HK2: variants seen among roughly 807,000 people sequenced by gnomAD.
HK2 encodes the protein hexokinase 2, also known as hexokinase-2.
HK2 carries 42 observed loss-of-function variants against 92.9 expected under a neutral mutation model. That is an observed-to-expected ratio of 0.45 (90% CI 0.35 to 0.58). HK2 has a LOEUF of 0.58. HK2 is among the 20% of genes least tolerant of loss of function. The pLI is 0.00. For missense variants in HK2, 978 were observed against 1,245.1 expected (o/e 0.79, Z 3.23); for synonymous variants, 422 against 468.0 (o/e 0.90, Z 1.27).
At position 74,867,694 on chromosome 2, in the gene HK2, G is replaced by A; in HGVS notation, c.285G>A (p.Val95=). The A allele has an allele frequency of 6.2e-7, 1 of 1,614,138 alleles. No individual in the cohort carries two copies. ...LGGTNFRVLW[V]KVTDNGLQKV... ...GGACCAACTTCCGTGTGCTTTGGGT[G>A]AAAGTAACGGACAATGGGCTCCAGA... The change falls in exon 3 of 18, where the codon GTG becomes GTA. Residue 95 remains valine, a synonymous_variant. Coordinates refer to ENST00000290573, the MANE Select transcript of HK2 (RefSeq NM_000189.5).
chr2:74,868,192 G>C (rs1047736873), intron 3 of HK2, among the ~76,000 whole-genome samples: 8 of 152,128 alleles, frequency 5.3e-5, no homozygotes, highest in Non-Finnish European at 8.8e-5. Context: ...CTCATTATTT[G>C]TCTTTGGGGT....
In HK2 at chr2:74,884,887, G is replaced by T. The variant is rs1166799626; in HGVS notation, c.1840-607G>T. On this transcript the variant is annotated intron_variant, in intron 12 of 17. Coordinates refer to ENST00000290573, the MANE Select transcript of HK2 (RefSeq NM_000189.5). ...GGGCCACTGAGGATGCTGAGGAGGA[G>T]CCTGGAGTTGTTTTCCTCACTGAAA... is the stretch of plus-strand genomic sequence containing the variant. Among the ~76,000 whole-genome samples the T allele has an allele frequency of 2.0e-5, 3 of 152,246 alleles. No homozygotes were observed. In the East Asian group the frequency reaches 5.8e-4, roughly 29 times the overall value.
intron 1 of HK2, among the ~76,000 whole-genome samples, chr2:74,840,058 C>T (rs2103831237): frequency 6.8e-6 from 1 of 147,102 alleles, no homozygotes; most frequent in Non-Finnish European, 1.5e-5. Context: ...TGGGTTCCTG[C>T]CGTTCGCCTG....
chr2:74,846,930 G>A (rs892670307), intron 1 of HK2, among the ~76,000 whole-genome samples: 3 of 152,214 alleles, frequency 2.0e-5, no homozygotes, highest in Non-Finnish European at 4.4e-5. Flanking sequence ...AAATAGGAGT[G>A]TTGACCTAAT....
chr2:74,867,881 C>T, intron 3 of HK2, 97 bp downstream of exon 3: 2 of 1,404,120 alleles, frequency 1.4e-6, no homozygotes, highest in South Asian at 2.3e-5. Context: ...TGTGGATAGG[C>T]AGTCACCCAA....
Position 74,854,324 on chromosome 2 carries a change from C to T in HK2, c.95C>T (p.Ser32Phe). Residue 32 changes from serine to phenylalanine, a missense_variant, in exon 2 of 18, where the codon TCT becomes TTT. By Grantham distance (155) the Ser-to-Phe change is radical. Around this residue, in one of 3 missense-constraint regions of HK2, gnomAD observed 189 missense variants for 289.5 expected, o/e 0.65. Coordinates refer to ENST00000290573, the MANE Select transcript of HK2 (RefSeq NM_000189.5). ...VDQYLYHMRLSDETLLEISKR... is the reference protein window; with the variant it reads ...VDQYLYHMRLFDETLLEISKR... Reference sequence around the variant, plus strand: ...CAGTATCTCTACCACATGCGCCTCTCTGATGAGACCCTCTTGGAGATCTCT... The same window carrying T: ...CAGTATCTCTACCACATGCGCCTCTTTGATGAGACCCTCTTGGAGATCTCT... 6.2e-7 allele frequency: 1 copy of T among 1,613,248 alleles called. No individual in the cohort carries two copies. The highest frequency in any genetic ancestry group is 8.5e-7 in the Non-Finnish European group (1 of 1,180,024).
intron 1 of HK2, among the ~76,000 whole-genome samples, chr2:74,847,012 T>A (rs557971020): frequency 3.3e-5 from 5 of 152,328 alleles, no homozygotes; most frequent in Admixed American, 2.6e-4. Flanking sequence ...AATCAGTTGG[T>A]CTTCTAGGGT....
At chr2:74,864,506 ATTTG>A (rs1387403774) in intron 2 of HK2, among the ~76,000 whole-genome samples, 1 of 143,010 alleles carries the variant, frequency 7.0e-6, no homozygotes, top group African/African-American at 2.5e-5. Flanking sequence ...TGTTGTTGTC[ATTTG>A]TTTGTTTTTT....
chr2:74,846,318 C>CT (rs5832141), intron 1 of HK2, among the ~76,000 whole-genome samples: 103,566 of 151,448 alleles, frequency 0.68, 35,616 homozygotes, highest in African/African-American at 0.74. Context: ...TGCAACCTGC[C>CT]TTTTTTTTCC....
At position 74,834,687 on chromosome 2, in the gene HK2, T is replaced by C; in HGVS notation, c.63+44T>C. The C allele has an allele frequency of 6.3e-7, 1 of 1,591,328 alleles. No homozygotes were observed. The highest frequency in any genetic ancestry group is 8.6e-7 in the Non-Finnish European group (1 of 1,159,540). ...GGCGGCAGGCTGGGCTCTGGCAAAGTGGTCTGGCCTCCATCAGTCTCTTCC... is the reference window on the plus strand; with the variant it reads ...GGCGGCAGGCTGGGCTCTGGCAAAGCGGTCTGGCCTCCATCAGTCTCTTCC... On this transcript the variant is annotated intron_variant, in intron 1 of 17. Coordinates refer to ENST00000290573, the MANE Select transcript of HK2 (RefSeq NM_000189.5). The surrounding 1 kb of genome is among the most constrained non-coding windows in gnomAD (Gnocchi z 4.2).
At chr2:74,852,563 A>T (rs1033071608) in intron 1 of HK2, among the ~76,000 whole-genome samples, 46 of 152,168 alleles carry the variant, frequency 3.0e-4, no homozygotes, top group Non-Finnish European at 1.0e-4. Flanking sequence ...TCAGAGACCC[A>T]GCTTGTGGGA....
intron 1 of HK2, among the ~76,000 whole-genome samples, chr2:74,839,174 A>C (rs897376090): frequency 6.6e-6 from 1 of 152,168 alleles, no homozygotes; most frequent in Non-Finnish European, 1.5e-5. Flanking sequence ...AGTGAGTGCA[A>C]GGCCCTCTGA....
At position 74,881,827 on chromosome 2, in the gene HK2, C is replaced by T; in HGVS notation, c.1687C>T (p.Pro563Ser). The change falls in exon 11 of 18, where the codon CCG (proline) becomes TCG (serine). Residue 563 changes from proline (P) to serine (S), a missense_variant. Around this residue, in one of 3 missense-constraint regions of HK2, gnomAD observed 742 missense variants for 922.5 expected, o/e 0.80. Transcript: ENST00000290573. ...VEMHNKIYAIPQEVMHGTGDE... is the reference protein window; with the variant it reads ...VEMHNKIYAISQEVMHGTGDE... Reference sequence around the variant, plus strand: ...GATGCACAACAAGATCTACGCCATCCCGCAGGAGGTCATGCACGGCACCGG... The same window carrying T: ...GATGCACAACAAGATCTACGCCATCTCGCAGGAGGTCATGCACGGCACCGG... The T allele has an allele frequency of 6.2e-7, 1 of 1,614,178 alleles. No individual in the cohort carries two copies. The highest frequency in any genetic ancestry group is 8.5e-7 in the Non-Finnish European group (1 of 1,180,026).
At chr2:74,851,743 T>C (rs1473991158) in intron 1 of HK2, among the ~76,000 whole-genome samples, 1 of 152,198 alleles carries the variant, frequency 6.6e-6, no homozygotes, top group East Asian at 1.9e-4. Flanking sequence ...AGAGTGTCTT[T>C]GTCAGGTGTC....
At position 74,880,888 on chromosome 2, in the gene HK2, C is replaced by T. The variant is rs376667591; in HGVS notation, c.1570+319C>T. ...ACCTATGTTTGACAGAAAACTGAGG[C>T]GCAGAGAAGTTAAGACACCTGCCTA... is the stretch of plus-strand genomic sequence containing the variant. On this transcript the variant is annotated intron_variant, in intron 10 of 17. Transcript: ENST00000290573. Among the ~76,000 whole-genome samples, 9 of 152,200 alleles carry T rather than the reference C, an allele frequency of 5.9e-5. No homozygotes were observed. In the East Asian group the frequency reaches 7.7e-4, roughly 13 times the overall value.
chr2:74,834,711 C>T lies in HK2; in HGVS notation c.63+68C>T, dbSNP rs1688107255. 2 of 1,536,326 alleles carry T rather than the reference C, an allele frequency of 1.3e-6. No homozygotes were observed. The highest frequency in any genetic ancestry group is 1.8e-6 in the Non-Finnish European group (2 of 1,109,870). ...GTGGTCTGGCCTCCATCAGTCTCTT[C>T]CTCGACCCTGCGGGGACCCGCTTCC... On this transcript the variant is annotated intron_variant, in intron 1 of 17. Coordinates refer to ENST00000290573, the MANE Select transcript of HK2 (RefSeq NM_000189.5). This position sits in a 1 kb window ranked among gnomAD's most constrained non-coding sequence, Gnocchi z 4.2.
chr2:74,838,264 A>T (rs1316347993), intron 1 of HK2, among the ~76,000 whole-genome samples: 2 of 152,116 alleles, frequency 1.3e-5, no homozygotes, highest in Non-Finnish European at 2.9e-5. Context: ...ACAAGAGTAA[A>T]GGAGGAGACC....
At chr2:74,840,901 A>AAT (rs1553445439) in intron 1 of HK2, among the ~76,000 whole-genome samples, 10 of 147,350 alleles carry the variant, frequency 6.8e-5, no homozygotes, top group African/African-American at 2.5e-4. Flanking sequence ...AAAAAAAAAA[A>AAT]AAAGCTGTGG....
At chr2:74,865,647 A>G (rs13389855) in intron 2 of HK2, among the ~76,000 whole-genome samples, 6,627 of 152,168 alleles carry the variant, frequency 0.044, 518 homozygotes, top group African/African-American at 0.15. Flanking sequence ...TGCTGTAGCT[A>G]GCCCGCAGCT....
Sources: allele counts gnomAD v4.1 joint callset (sites outside exome capture counted in the v4.1 genomes callset), GRCh38; gene constraint gnomAD v4.1.1; regional missense constraint gnomAD v4.1.1; non-coding constraint Gnocchi (gnomAD v3.1); transcripts MANE v1.5; gene names NCBI Gene and HGNC (gene_info 2026-07-23, HGNC 2026-07-21).